PARD3B: variants seen among roughly 807,000 people sequenced by gnomAD.
The protein encoded by PARD3B is par-3 family cell polarity regulator beta, also known as partitioning defective 3 homolog B.
Under a neutral mutation model 130.2 loss-of-function variants are expected in PARD3B, and 103 were observed. The ratio of observed to expected loss-of-function variants is 0.79; its 90% CI spans 0.67 to 0.93. The LOEUF is 0.93. Among genes scored for constraint, PARD3B ranks in the 40% least tolerant of loss-of-function variants. The pLI is 0.00. For synonymous variants in PARD3B, 583 were observed against 553.2 expected, an observed-to-expected ratio of 1.05 and a Z score of -0.76; for missense variants, 1,609 against 1,499.2, an observed-to-expected ratio of 1.07 and a Z score of -1.21.
chr2:205,047,825 C>T, intron 4 of PARD3B, 135 bp downstream of exon 4: 1 of 589,518 alleles, frequency 1.7e-6, no homozygotes, highest in Non-Finnish European at 2.9e-6. Flanking sequence ...ATTAGTTATA[C>T]TAATAGCTAG....
At chr2:205,547,561 T>A (rs565323864) in intron 21 of PARD3B, among the ~76,000 whole-genome samples, 5 of 152,314 alleles carry the variant, frequency 3.3e-5, no homozygotes, top group African/African-American at 9.6e-5. Context: ...GGGGAGCTGT[T>A]GCTATTTCTA....
At chr2:204,621,516 G>A (rs1300683517) in intron 1 of PARD3B, among the ~76,000 whole-genome samples, 1 of 152,152 alleles carries the variant, frequency 6.6e-6, no homozygotes, top group Non-Finnish European at 1.5e-5. Context: ...GCTTGGGAAT[G>A]GAGAAGTTGA....
intron 1 of PARD3B, among the ~76,000 whole-genome samples, chr2:204,659,127 T>G (rs1468031332): frequency 6.6e-6 from 1 of 152,148 alleles, no homozygotes; most frequent in Admixed American, 6.5e-5. Flanking sequence ...CTTAGATGTG[T>G]TACTGCTGTA....
At chr2:204,891,065 G>C (rs765989688) in intron 2 of PARD3B, among the ~76,000 whole-genome samples, 1 of 151,876 alleles carries the variant, frequency 6.6e-6, no homozygotes, top group Non-Finnish European at 1.5e-5. Context: ...GCATCAAACT[G>C]TATTATATTC....
rs1268830073 is a variant in PARD3B, at chr2:205,291,317, T to G, written c.2186-9213T>G. On this transcript the variant is annotated intron_variant, in intron 16 of 22. Coordinates refer to ENST00000406610, the MANE Select transcript of PARD3B (RefSeq NM_001302769.2). This position sits in a 1 kb window ranked among gnomAD's most constrained non-coding sequence, Gnocchi z 4.6. ...CAAGAGGAGAGCTGTAAAGAAAGCT[T>G]CGATCTCTGAGTCTTCTTAGATGAT... Among the ~76,000 whole-genome samples, 2 of 152,166 alleles carry G rather than the reference T, an allele frequency of 1.3e-5. No homozygotes were observed. The highest frequency in any genetic ancestry group is 4.8e-5 in the African/African-American group (2 of 41,438).
At position 205,575,409 on chromosome 2, in the gene PARD3B, C is replaced by T. The variant is rs531626719; in HGVS notation, c.3260+22006C>T. Among the ~76,000 whole-genome samples the T allele has an allele frequency of 4.6e-5, 7 of 151,974 alleles. No individual in the cohort carries two copies. The highest frequency in any genetic ancestry group is 1.3e-4 in the Admixed American group (2 of 15,268). ...ACCCAAAGCCCATAGTTTACATTAG[C>T]GCTCTCTCGGTGTTGTTCATTCTGT... On this transcript the variant is annotated intron_variant, in intron 22 of 22. Coordinates refer to ENST00000406610, the MANE Select transcript of PARD3B (RefSeq NM_001302769.2). This position sits in a 1 kb window ranked among gnomAD's most constrained non-coding sequence, Gnocchi z 4.6.
At chr2:205,312,021 T>A (rs1054281462) in intron 18 of PARD3B, among the ~76,000 whole-genome samples, 1 of 152,190 alleles carries the variant, frequency 6.6e-6, no homozygotes, top group Non-Finnish European at 1.5e-5. Flanking sequence ...ACTTGGTTTT[T>A]AAATTAGGTT....
rs768245607 is a variant in PARD3B at position 204,606,300 on chromosome 2, C to T, written c.120+60181C>T. ...TGCTGCAGTAAGAATCTGGAAACCT[C>T]AGTGGCTTTAGTACTTTTTAGTACT... On this transcript the variant is annotated intron_variant, in intron 1 of 22. Transcript: ENST00000406610. The surrounding 1 kb of genome is among the most constrained non-coding windows in gnomAD (Gnocchi z 4.0). 3.3e-5 allele frequency among the ~76,000 whole-genome samples: 5 copies of T among 152,276 alleles called. No homozygotes were observed. Among genetic ancestry groups the T allele is most frequent in the African/African-American group, 4.8e-5 (2 of 41,570 alleles).
chr2:204,699,405 GGC>G (rs1472568945), intron 2 of PARD3B, among the ~76,000 whole-genome samples: 3 of 152,090 alleles, frequency 2.0e-5, no homozygotes, highest in Non-Finnish European at 4.4e-5. Context: ...TTTCTGAAGT[GGC>G]TACATGGCTG....
chr2:204,624,731 T>A (rs371167404), intron 1 of PARD3B, among the ~76,000 whole-genome samples: 4 of 152,146 alleles, frequency 2.6e-5, no homozygotes, highest in African/African-American at 7.2e-5. Context: ...GAATTTTCAT[T>A]TCTCTGAGAT....
intron 15 of PARD3B, among the ~76,000 whole-genome samples, chr2:205,226,305 T>G (rs1415432278): frequency 1.3e-5 from 2 of 152,096 alleles, no homozygotes; most frequent in East Asian, 1.9e-4. Flanking sequence ...CCTCCCAAGT[T>G]CTGGGATCAC....
At chr2:205,383,143 G>GATAGAGAGATAGAT (rs1559039157) in intron 18 of PARD3B, among the ~76,000 whole-genome samples, 1 of 135,510 alleles carries the variant, frequency 7.4e-6, no homozygotes, top group Non-Finnish European at 1.6e-5. Context: ...TAGATAGATC[G>GATAGAGAGATAGAT]ATCTAAACTA....
At position 205,276,395 on chromosome 2, in the gene PARD3B, CCTTT is replaced by C. The variant is rs2040949684; in HGVS notation, c.2186-24130_2186-24127del. Among the ~76,000 whole-genome samples, 1 of 152,156 alleles carries C rather than the reference CCTTT, an allele frequency of 6.6e-6. No individual in the cohort carries two copies. The highest frequency in any genetic ancestry group is 1.5e-5 in the Non-Finnish European group (1 of 68,042). ...TATACAGCATTTGTGGTATTTTCCT[CCTTT>C]CTTTTCTTATTTATCCTTAACAGAA... On this transcript the variant is annotated intron_variant, in intron 16 of 22. Coordinates refer to ENST00000406610, the MANE Select transcript of PARD3B (RefSeq NM_001302769.2). This position sits in a 1 kb window ranked among gnomAD's most constrained non-coding sequence, Gnocchi z 5.0.
At chr2:205,303,692 A>C (rs1380723086) in intron 18 of PARD3B, among the ~76,000 whole-genome samples, 1 of 152,160 alleles carries the variant, frequency 6.6e-6, no homozygotes, top group African/African-American at 2.4e-5. Flanking sequence ...CCAGAAGCAC[A>C]CATCAGACTC....
intron 16 of PARD3B, among the ~76,000 whole-genome samples, chr2:205,250,787 G>C (rs187894418): frequency 2.0e-4 from 30 of 152,130 alleles, no homozygotes; most frequent in Admixed American, 3.9e-4. Context: ...AAATTAGCTG[G>C]GCATGGTGGC....
At chr2:205,002,798 C>T (rs928932425) in intron 3 of PARD3B, among the ~76,000 whole-genome samples, 1 of 152,172 alleles carries the variant, frequency 6.6e-6, no homozygotes, top group Non-Finnish European at 1.5e-5. Context: ...TTACAATGGG[C>T]GGATTATTTT....
intron 10 of PARD3B, among the ~76,000 whole-genome samples, chr2:205,154,370 T>A (rs1186312875): frequency 1.3e-5 from 2 of 152,134 alleles, no homozygotes; most frequent in Non-Finnish European, 2.9e-5. Flanking sequence ...CCAATTAGAA[T>A]GACAATCATT....
At chr2:205,488,472 C>T (rs906077298) in intron 20 of PARD3B, among the ~76,000 whole-genome samples, 1 of 152,074 alleles carries the variant, frequency 6.6e-6, no homozygotes, top group Admixed American at 6.6e-5. Context: ...GGACTGGTAC[C>T]AGTTTATGGC....
chr2:204,933,469 A>G (rs961885670), intron 2 of PARD3B, among the ~76,000 whole-genome samples: 2 of 152,194 alleles, frequency 1.3e-5, no homozygotes, highest in Non-Finnish European at 2.9e-5. Context: ...TGTTCATTTT[A>G]TAGAAAATGT....
Sources: allele counts gnomAD v4.1 joint callset (sites outside exome capture counted in the v4.1 genomes callset), GRCh38; gene constraint gnomAD v4.1.1; non-coding constraint Gnocchi (gnomAD v3.1); transcripts MANE v1.5; gene names NCBI Gene and HGNC (gene_info 2026-07-23, HGNC 2026-07-21).